TARS1: variants seen among roughly 807,000 people sequenced by gnomAD.
TARS1 encodes the protein threonine--tRNA ligase 1, cytoplasmic.
In TARS1, 57 loss-of-function variants were observed where a neutral mutation model predicts 97.7. The ratio of observed to expected loss-of-function variants is 0.58; its 90% CI spans 0.47 to 0.73. The LOEUF is 0.73. Ranked by LOEUF, TARS1 falls within the 30% of genes least tolerant of loss-of-function variation. TARS1 has a pLI of 0.00. For synonymous variants in TARS1, 312 were observed against 293.7 expected (o/e 1.06, Z -0.64); for missense variants, 806 against 888.3 (o/e 0.91, Z 1.18).
chr5:33,443,475 CTT>C (rs199902596), intron 1 of TARS1, among the ~76,000 whole-genome samples: 54 of 130,264 alleles, frequency 4.1e-4, no homozygotes, highest in Admixed American at 7.8e-4. Context: ...ATTTTTCTTT[CTT>C]TTTTTTTTTT....
rs562526045 is a variant in TARS1, at chr5:33,462,013, T to G, written c.1730+7T>G. 3 of 1,613,080 alleles carry G rather than the reference T, an allele frequency of 1.9e-6. No individual in the cohort carries two copies. In the South Asian group the frequency reaches 3.3e-5, roughly 18 times the overall value. ...TTAATCTTACTTATGTAAGGTGAGT[T>G]TCTGGTGTCTGCTCTGAATATTCTC... On this transcript the variant is annotated splice_region_variant and intron_variant, in intron 15 of 18. Coordinates refer to ENST00000265112, the MANE Select transcript of TARS1 (RefSeq NM_152295.5).
At chr5:33,449,180 G>A (rs927050800) in intron 3 of TARS1, among the ~76,000 whole-genome samples, 2 of 151,918 alleles carry the variant, frequency 1.3e-5, no homozygotes, top group Non-Finnish European at 1.5e-5. Flanking sequence ...TTTTATTGGG[G>A]TGGGAAGAAG....
chr5:33,441,194 C>A, intron 1 of TARS1, 51 bp downstream of exon 1: 1 of 1,605,390 alleles, frequency 6.2e-7, no homozygotes. Flanking sequence ...CTAGTGGGTG[C>A]AGACGCTACG....
chr5:33,463,402 A>G (rs912710364), intron 16 of TARS1, among the ~76,000 whole-genome samples: 2 of 152,194 alleles, frequency 1.3e-5, no homozygotes, highest in Non-Finnish European at 2.9e-5. Flanking sequence ...TAATCACTAC[A>G]TGCAGTTATT....
chr5:33,445,229 CAA>C, intron 1 of TARS1, 93 bp from the exon 2 acceptor site: 4 of 918,850 alleles, frequency 4.4e-6, no homozygotes, highest in Non-Finnish European at 6.5e-6. Flanking sequence ...AATTAAATAA[CAA>C]ATACTAAAAT....
chr5:33,445,573 G>GA lies in TARS1; in HGVS notation c.138+175dup, dbSNP rs1554011680. On this transcript the variant is annotated intron_variant, in intron 2 of 18. Coordinates refer to ENST00000265112, the MANE Select transcript of TARS1 (RefSeq NM_152295.5). ...ATTAGGAAAGGGTAATCTGAGAGGG[G>GA]AAAAAAGACTTTCAGTTGTTACTGT... Among the ~76,000 whole-genome samples, 4 of 152,114 alleles carry GA rather than the reference G, an allele frequency of 2.6e-5. No homozygotes were observed. The South Asian group carries it at 6.2e-4, about 24-fold the overall frequency.
At chr5:33,465,355 G>A (rs1396229991) in intron 17 of TARS1, among the ~76,000 whole-genome samples, 1 of 152,146 alleles carries the variant, frequency 6.6e-6, no homozygotes, top group Non-Finnish European at 1.5e-5. Flanking sequence ...AGATTATGTG[G>A]TGGTAAGCTT....
chr5:33,454,918 C>T (rs776202158), intron 4 of TARS1, 27 bp from the exon 5 acceptor site: 11 of 1,611,108 alleles, frequency 6.8e-6, no homozygotes, highest in Admixed American at 6.7e-5. Context: ...AAGACTCAGA[C>T]CATGCCATTT....
At chr5:33,460,803 G>A (rs547704718) in intron 11 of TARS1, 99 bp from the exon 12 acceptor site, 1 of 1,424,352 alleles carries the variant, frequency 7.0e-7, no homozygotes, top group African/African-American at 1.4e-5. Context: ...TGGACAGCTA[G>A]AATCAGTGGC....
chr5:33,451,622 C>G (rs1478294795), intron 3 of TARS1, among the ~76,000 whole-genome samples: 1 of 152,212 alleles, frequency 6.6e-6, no homozygotes, highest in African/African-American at 2.4e-5. Context: ...ATCCACCCGC[C>G]TCGGCCTCCC....
intron 10 of TARS1, among the ~76,000 whole-genome samples, chr5:33,458,983 G>A (rs975505208): frequency 2.6e-5 from 4 of 151,940 alleles, no homozygotes; most frequent in East Asian, 3.9e-4. Context: ...ATTATGAAAT[G>A]TTTCAAGTAT....
chr5:33,453,043 A>G (rs1349448449), intron 3 of TARS1, among the ~76,000 whole-genome samples: 1 of 152,118 alleles, frequency 6.6e-6, no homozygotes, highest in African/African-American at 2.4e-5. Context: ...CAGAGTTGCC[A>G]TATCTGCTTA....
At chr5:33,443,317 CTCCCTCT>C (rs1561066171) in intron 1 of TARS1, among the ~76,000 whole-genome samples, 2 of 119,624 alleles carry the variant, frequency 1.7e-5, no homozygotes, top group African/African-American at 6.7e-5. Flanking sequence ...CTCTCTCTCT[CTCCCTCT>C]CTCTCTCTCT....
Position 33,461,079 on chromosome 5 carries a change from G to T in TARS1, c.1413+15G>T. The T allele has an allele frequency of 1.2e-6, 2 of 1,610,506 alleles. No individual in the cohort carries two copies. The highest frequency in any genetic ancestry group is 1.7e-6 in the Non-Finnish European group (2 of 1,177,912). On this transcript the variant is annotated intron_variant, in intron 12 of 18. Transcript: ENST00000265112. ...CCATGGAGCAGGTATGAGACCCTGG[G>T]AATAAAATACTTAGAAAGAAGAGTC...
Position 33,460,910 on chromosome 5 carries a change from T to A in TARS1, c.1259T>A (p.Phe420Tyr), listed in dbSNP as rs1287656403. The A allele has an allele frequency of 6.2e-7, 1 of 1,614,132 alleles. No individual in the cohort carries two copies. Among genetic ancestry groups the A allele is most frequent in the East Asian group, 2.2e-5 (1 of 44,878 alleles). Residue 420 changes from phenylalanine to tyrosine, a missense_variant, in exon 12 of 19, where the codon TTT becomes TAT. Phe to Tyr is a conservative substitution (Grantham distance 22). Around this residue, in one of 3 missense-constraint regions of TARS1, gnomAD observed 446 missense variants for 511.0 expected, o/e 0.87. Coordinates refer to ENST00000265112, the MANE Select transcript of TARS1 (RefSeq NM_152295.5). ...TTTCTTTTTCTCTTCAGCCTTATGTTTGATCATCGGCCAAGGTCCTGGCGA... is the reference window on the plus strand; with the variant it reads ...TTTCTTTTTCTCTTCAGCCTTATGTATGATCATCGGCCAAGGTCCTGGCGA... ...PMNCPGHCLM[F>Y]DHRPRSWREL...
intron 8 of TARS1, among the ~76,000 whole-genome samples, chr5:33,456,471 C>T (rs1742023258): frequency 6.6e-6 from 1 of 152,194 alleles, no homozygotes; most frequent in Non-Finnish European, 1.5e-5. Flanking sequence ...AATCATACAG[C>T]ATGGGCCATC....
At chr5:33,461,338 T>C in intron 13 of TARS1, 43 bp downstream of exon 13, 1 of 1,591,996 alleles carries the variant, frequency 6.3e-7, no homozygotes, top group African/African-American at 1.4e-5. Context: ...CTGTTTGAAA[T>C]TGGCTTGTTC....
chr5:33,459,550 T>C, intron 10 of TARS1, 145 bp from the exon 11 acceptor site: 1 of 948,854 alleles, frequency 1.1e-6, no homozygotes, highest in Non-Finnish European at 1.6e-6. Context: ...TTCTCTCTGG[T>C]ATATACTTAG....
At position 33,465,566 on chromosome 5, in the gene TARS1, G is replaced by T. The variant is rs150444528; in HGVS notation, c.1909-1305G>T. Among the ~76,000 whole-genome samples, 1,412 of 152,288 alleles carry T rather than the reference G, an allele frequency of 9.3e-3. 32 individuals are homozygous for T. The highest frequency in any genetic ancestry group is 0.032 in the African/African-American group (1,348 of 41,550). On this transcript the variant is annotated intron_variant, in intron 17 of 18. Coordinates refer to ENST00000265112, the MANE Select transcript of TARS1 (RefSeq NM_152295.5). Reference sequence around the variant, plus strand: ...AAAGTAGTTATAAGTTGAAGATGTAGACCTATCTTGGCATTCTAAAATTCT... The same window carrying T: ...AAAGTAGTTATAAGTTGAAGATGTATACCTATCTTGGCATTCTAAAATTCT...
Sources: gnomAD v4.1 joint callset for allele counts (sites outside exome capture counted in the v4.1 genomes callset) on GRCh38, gnomAD v4.1.1 for gene constraint, gnomAD v4.1.1 regional missense constraint, MANE v1.5 for transcripts, NCBI Gene and HGNC (gene_info 2026-07-23, HGNC 2026-07-21) for gene names.